Variants in UGT3A2 observed in about 807,000 individuals in gnomAD.
The protein encoded by UGT3A2 is UDP-glycosyltransferase 3A2.
Under a neutral mutation model 39.8 loss-of-function variants are expected in UGT3A2, and 32 were observed. That is an observed-to-expected ratio of 0.80 (90% CI 0.61 to 1.08). The LOEUF is 1.08. Among genes scored for constraint, UGT3A2 ranks in the 50% least tolerant of loss-of-function variants. UGT3A2 has a pLI of 0.00. For missense variants in UGT3A2, 611 were observed against 637.1 expected (o/e 0.96, Z 0.44); for synonymous variants, 241 against 230.7 (o/e 1.04, Z -0.40).
At chr5:36,063,987 A>G (rs192719964) in intron 2 of UGT3A2, among the ~76,000 whole-genome samples, 27 of 152,298 alleles carry the variant, frequency 1.8e-4, no homozygotes, top group Non-Finnish European at 3.4e-4. Context: ...TGTTAAAATA[A>G]TCCATAATAA....
chr5:36,059,004 T>C (rs1460051767), intron 2 of UGT3A2, among the ~76,000 whole-genome samples: 2 of 151,438 alleles, frequency 1.3e-5, no homozygotes, highest in African/African-American at 4.9e-5. Flanking sequence ...TAGAAATAAA[T>C]AGAGATAGAA....
chr5:36,050,817 G>A (rs961867413), intron 3 of UGT3A2, among the ~76,000 whole-genome samples: 6 of 150,970 alleles, frequency 4.0e-5, no homozygotes, highest in South Asian at 2.1e-4. Flanking sequence ...AGCTGAGATC[G>A]CGCCATTGCA....
chr5:36,043,600 G>T (rs1326844266), intron 4 of UGT3A2, among the ~76,000 whole-genome samples: 1 of 151,680 alleles, frequency 6.6e-6, no homozygotes, highest in Non-Finnish European at 1.5e-5. Context: ...GAAAAGATAA[G>T]AAAATAGACA....
rs1581009562 is a variant in UGT3A2 at position 36,051,897 on chromosome 5, A to T, written c.284T>A (p.Phe95Tyr). 6.3e-7 allele frequency: 1 copy of T among 1,592,550 alleles called. No homozygotes were observed. Among genetic ancestry groups the T allele is most frequent in the East Asian group, 2.3e-5 (1 of 44,386 alleles). ...HQREFKKSFD[F>Y]FLEETLGGRG... The stretch of plus-strand genomic sequence containing the variant: ...GCCACCTAAAGTTTCTTCCAGAAAG[A>T]AATCAAAACTCTTTTTAAATTCTCT... Residue 95 changes from phenylalanine to tyrosine, a missense_variant, in exon 3 of 7, where the codon TTC becomes TAC. Physicochemically the swap from Phe to Tyr is conservative, Grantham distance 22. Transcript: ENST00000282507.
intron 2 of UGT3A2, among the ~76,000 whole-genome samples, chr5:36,054,155 C>A (rs1742434204): frequency 6.6e-6 from 1 of 152,234 alleles, no homozygotes; most frequent in Non-Finnish European, 1.5e-5. Context: ...GTTAGACAAG[C>A]TTGCCTTATA....
intron 2 of UGT3A2, among the ~76,000 whole-genome samples, chr5:36,058,828 GTAA>G: frequency 6.6e-6 from 1 of 152,254 alleles, no homozygotes; most frequent in South Asian, 2.1e-4. Context: ...AGTAGTAAGA[GTAA>G]TGTCTCTCAT....
chr5:36,055,129 G>T (rs1742464546), intron 2 of UGT3A2, among the ~76,000 whole-genome samples: 1 of 151,542 alleles, frequency 6.6e-6, no homozygotes, highest in African/African-American at 2.4e-5. Context: ...ACAAGAGCAA[G>T]ACTTCATCTC....
At chr5:36,043,923 A>G (rs1742087504) in intron 4 of UGT3A2, among the ~76,000 whole-genome samples, 1 of 152,104 alleles carries the variant, frequency 6.6e-6, no homozygotes, top group South Asian at 2.1e-4. Flanking sequence ...ATTTTACCAA[A>G]CATTTAAAGA....
Position 36,048,954 on chromosome 5 carries a change from G to A in UGT3A2, c.778C>T (p.Pro260Ser). The A allele has an allele frequency of 6.2e-7, 1 of 1,614,140 alleles. No homozygotes were observed. Among genetic ancestry groups the A allele is most frequent in the Non-Finnish European group, 8.5e-7 (1 of 1,180,032 alleles). Residue 260 changes from proline to serine, a missense_variant, in exon 4 of 7, where the codon CCT (proline) becomes TCT (serine). Transcript: ENST00000282507. ...NSDFAFDFAR[P>S]LLPNTVYVGG... Reference sequence around the variant, plus strand: ...ACATAAACAGTGTTGGGAAGCAGAGGTCGAGCAAAATCAAAGGCAAAGTCA... The same window carrying A: ...ACATAAACAGTGTTGGGAAGCAGAGATCGAGCAAAATCAAAGGCAAAGTCA...
At chr5:36,060,760 T>G (rs1225786724) in intron 2 of UGT3A2, among the ~76,000 whole-genome samples, 4 of 152,228 alleles carry the variant, frequency 2.6e-5, no homozygotes, top group Non-Finnish European at 5.9e-5. Flanking sequence ...AGGGAGTCAC[T>G]GTTTAATAAG....
chr5:36,057,860 T>G (rs186808058), intron 2 of UGT3A2, among the ~76,000 whole-genome samples: 1 of 152,264 alleles, frequency 6.6e-6, no homozygotes. Flanking sequence ...CAAAGTTTAT[T>G]GGAAATGTCA....
At chr5:36,058,333 G>A (rs1009495254) in intron 2 of UGT3A2, among the ~76,000 whole-genome samples, 9 of 152,126 alleles carry the variant, frequency 5.9e-5, no homozygotes, top group African/African-American at 1.9e-4. Context: ...AATTAACAGA[G>A]AAATAGAATA....
At chr5:36,042,574 C>G (rs933934649) in intron 4 of UGT3A2, among the ~76,000 whole-genome samples, 1 of 151,992 alleles carries the variant, frequency 6.6e-6, no homozygotes, top group Non-Finnish European at 1.5e-5. Flanking sequence ...AGACTAAACT[C>G]TCCAATCAAA....
intron 2 of UGT3A2, among the ~76,000 whole-genome samples, chr5:36,061,551 C>T (rs200022158): frequency 7.7e-3 from 1,022 of 132,046 alleles, no homozygotes; most frequent in African/African-American, 0.011. Context: ...TCATCCATGT[C>T]CCTACAAAGG....
intron 2 of UGT3A2, 57 bp from the exon 3 acceptor site, chr5:36,052,041 C>G: frequency 1.9e-6 from 2 of 1,053,166 alleles, no homozygotes; most frequent in Non-Finnish European, 2.8e-6. Context: ...AAAAGAGTAA[C>G]ATTAGCATAA....
intron 2 of UGT3A2, among the ~76,000 whole-genome samples, chr5:36,052,857 A>G (rs1742392259): frequency 6.6e-6 from 1 of 152,190 alleles, no homozygotes; most frequent in African/African-American, 2.4e-5. Flanking sequence ...GTATGTTAAC[A>G]GATAGCCCCA....
At position 36,037,937 on chromosome 5, in the gene UGT3A2, C is replaced by T. The variant is rs1741882169; in HGVS notation, c.1155G>A (p.Met385Ile). The stretch of plus-strand genomic sequence containing the variant: ...GGTCTCCAAAGAGAGGGATCCCCAC[C>T]ATGGGCACACCATGCTGGATGGCCT... ...IMEAIQHGVP[M>I]VGIPLFGDQP... The change falls in exon 6 of 7, where the codon ATG (methionine) becomes ATA (isoleucine). Residue 385 changes from methionine (M) to isoleucine (I), a missense_variant. Transcript: ENST00000282507. 2.5e-6 allele frequency: 4 copies of T among 1,614,182 alleles called. No individual in the cohort carries two copies. Among genetic ancestry groups the T allele is most frequent in the Non-Finnish European group, 3.4e-6 (4 of 1,180,020 alleles).
intron 1 of UGT3A2, among the ~76,000 whole-genome samples, chr5:36,065,863 C>T (rs1742863559): frequency 6.6e-6 from 1 of 152,110 alleles, no homozygotes; most frequent in Non-Finnish European, 1.5e-5. Context: ...CCCTAATTCT[C>T]CATGATCTAA....
At position 36,051,891 on chromosome 5, in the gene UGT3A2, A is replaced by C; in HGVS notation, c.290T>G (p.Leu97Arg). The C allele has an allele frequency of 1.3e-6, 2 of 1,591,698 alleles. No individual in the cohort carries two copies. Among genetic ancestry groups the C allele is most frequent in the Non-Finnish European group, 1.7e-6 (2 of 1,174,524 alleles). The change falls in exon 3 of 7, where the codon CTG becomes CGG. Residue 97 changes from leucine to arginine, a missense_variant. Coordinates refer to ENST00000282507, the MANE Select transcript of UGT3A2 (RefSeq NM_174914.4). The part of the protein sequence containing the change: ...REFKKSFDFF[L>R]EETLGGRGKF... ...TTACCTGCCACCTAAAGTTTCTTCC[A>C]GAAAGAAATCAAAACTCTTTTTAAA... is the stretch of plus-strand genomic sequence containing the variant.
Sources: gnomAD v4.1 joint callset for allele counts (sites outside exome capture counted in the v4.1 genomes callset) on GRCh38, gnomAD v4.1.1 for gene constraint, MANE v1.5 for transcripts, NCBI Gene and HGNC (gene_info 2026-07-23, HGNC 2026-07-21) for gene names.